The following ARHGAP26 variants were observed in gnomAD, a reference collection of about 807,000 sequenced individuals.
ARHGAP26 encodes rho GTPase-activating protein 26.
ARHGAP26 carries 38 observed loss-of-function variants against 104.8 expected under a neutral mutation model. The ratio of observed to expected loss-of-function variants is 0.36; its 90% CI spans 0.28 to 0.48. ARHGAP26 has a LOEUF of 0.48. Among genes scored for constraint, ARHGAP26 ranks in the 20% least tolerant of loss-of-function variants. ARHGAP26 has a pLI of 0.99. For synonymous variants in ARHGAP26, 341 were observed against 340.0 expected, an observed-to-expected ratio of 1.00 and a Z score of -0.03; for missense variants, 704 against 947.9, an observed-to-expected ratio of 0.74 and a Z score of 3.38.
chr5:142,834,020 T>G (rs1227937970), intron 1 of ARHGAP26, among the ~76,000 whole-genome samples: 1 of 152,240 alleles, frequency 6.6e-6, no homozygotes, highest in Non-Finnish European at 1.5e-5. Flanking sequence ...TAAACTAGAT[T>G]TGTGTATGTT....
At chr5:143,084,319 T>C (rs1219863946) in intron 17 of ARHGAP26, among the ~76,000 whole-genome samples, 1 of 152,252 alleles carries the variant, frequency 6.6e-6, no homozygotes, top group Non-Finnish European at 1.5e-5. Flanking sequence ...TTTAGCTGTC[T>C]GTGCCCAGCC....
chr5:143,092,448 G>A (rs985970846), intron 17 of ARHGAP26, among the ~76,000 whole-genome samples: 1 of 152,200 alleles, frequency 6.6e-6, no homozygotes, highest in Non-Finnish European at 1.5e-5. Context: ...ACAGGCGTGA[G>A]CCACTGCACC....
intron 9 of ARHGAP26, 42 bp from the exon 10 acceptor site, chr5:142,913,157 C>A (rs1244194927): frequency 2.0e-6 from 3 of 1,532,404 alleles, no homozygotes; most frequent in Non-Finnish European, 2.7e-6. Flanking sequence ...GAGTAGAGCT[C>A]CCATTCTGGC....
At chr5:143,113,026 AG>A (rs1354169312) in intron 17 of ARHGAP26, among the ~76,000 whole-genome samples, 1 of 152,196 alleles carries the variant, frequency 6.6e-6, no homozygotes. Context: ...TTTTTTGAGG[AG>A]CTACCATACT....
chr5:142,886,084 A>G (rs1399597707), intron 5 of ARHGAP26, among the ~76,000 whole-genome samples: 1 of 152,172 alleles, frequency 6.6e-6, no homozygotes, highest in Non-Finnish European at 1.5e-5. Flanking sequence ...TTGGCATGCT[A>G]AGGGAGTTTA....
At chr5:142,782,441 C>T (rs1250779260) in intron 1 of ARHGAP26, among the ~76,000 whole-genome samples, 3 of 152,276 alleles carry the variant, frequency 2.0e-5, no homozygotes, top group Middle Eastern at 3.4e-3. Flanking sequence ...CAGGACTCAC[C>T]TTCAGAGATT....
intron 17 of ARHGAP26, among the ~76,000 whole-genome samples, chr5:143,107,732 T>C (rs1476994745): frequency 1.3e-5 from 2 of 152,222 alleles, no homozygotes; most frequent in African/African-American, 4.8e-5. Context: ...GTTCGGTGTC[T>C]TTGTTACCAG....
intron 20 of ARHGAP26, among the ~76,000 whole-genome samples, chr5:143,197,479 G>A (rs921104071): frequency 2.0e-5 from 3 of 152,292 alleles, no homozygotes; most frequent in Non-Finnish European, 4.4e-5. Flanking sequence ...ATTTCCTGCA[G>A]CACAGAAAGG....
At chr5:142,905,275 GT>G (rs1287430868) in intron 8 of ARHGAP26, among the ~76,000 whole-genome samples, 11 of 151,984 alleles carry the variant, frequency 7.2e-5, no homozygotes, top group Non-Finnish European at 1.5e-5. Flanking sequence ...GCACTCTCAT[GT>G]CACACACTTT....
intron 11 of ARHGAP26, among the ~76,000 whole-genome samples, chr5:143,012,471 T>G (rs1211620421): frequency 1.4e-5 from 2 of 142,218 alleles, no homozygotes; most frequent in East Asian, 4.0e-4. Context: ...TTGCCTTGGT[T>G]TCTTTAGGGG....
intron 1 of ARHGAP26, chr5:142,860,456 G>C (rs1753128683): frequency 6.6e-6 from 1 of 152,202 alleles, no homozygotes; most frequent in Non-Finnish European, 1.5e-5. Context: ...GTCCAAGAGT[G>C]CTTGGCTCTC....
At chr5:143,162,108 G>A (rs538159969) in intron 20 of ARHGAP26, among the ~76,000 whole-genome samples, 1 of 152,026 alleles carries the variant, frequency 6.6e-6, no homozygotes, top group Admixed American at 6.6e-5. Flanking sequence ...GCACAAGAGA[G>A]ATTTCTTCAA....
intron 12 of ARHGAP26, among the ~76,000 whole-genome samples, chr5:143,036,050 A>G (rs1782592502): frequency 6.6e-6 from 1 of 152,166 alleles, no homozygotes; most frequent in Admixed American, 6.5e-5. Context: ...AAGTTTACCC[A>G]TATACGCTAA....
At chr5:143,160,712 C>T (rs1350048098) in intron 20 of ARHGAP26, among the ~76,000 whole-genome samples, 1 of 152,038 alleles carries the variant, frequency 6.6e-6, no homozygotes, top group Non-Finnish European at 1.5e-5. Flanking sequence ...CCCCTGGATG[C>T]AAGAGATCCT....
chr5:142,923,960 C>T (rs538047823), intron 10 of ARHGAP26, among the ~76,000 whole-genome samples: 7 of 146,224 alleles, frequency 4.8e-5, no homozygotes, highest in South Asian at 4.4e-4. Flanking sequence ...CCCCCGGGTT[C>T]GTGCCGTTCT....
At chr5:143,205,648 G>T (rs1216633318) in intron 20 of ARHGAP26, among the ~76,000 whole-genome samples, 3 of 152,210 alleles carry the variant, frequency 2.0e-5, no homozygotes, top group South Asian at 2.1e-4. Context: ...CTGGCTGCAG[G>T]AGCCCTGGGC....
At chr5:143,130,092 G>A (rs13164657) in intron 18 of ARHGAP26, among the ~76,000 whole-genome samples, 1,857 of 152,282 alleles carry the variant, frequency 0.012, 14 homozygotes, top group Middle Eastern at 0.024. Flanking sequence ...AGCTGTAGGT[G>A]TTGCTGCCCA....
intron 12 of ARHGAP26, among the ~76,000 whole-genome samples, chr5:143,027,024 A>T (rs1398263829): frequency 3.9e-5 from 6 of 152,144 alleles, no homozygotes; most frequent in Non-Finnish European, 7.4e-5. Context: ...AAGATCAAGG[A>T]TGATGTTACT....
At position 142,871,816 on chromosome 5, in the gene ARHGAP26, G is replaced by A. The variant is rs1262792698; in HGVS notation, c.155-1584G>A. Among the ~76,000 whole-genome samples, 3 of 152,160 alleles carry A rather than the reference G, an allele frequency of 2.0e-5. No homozygotes were observed. Among genetic ancestry groups the A allele is most frequent in the Non-Finnish European group, 4.4e-5 (3 of 68,034 alleles). The stretch of plus-strand genomic sequence containing the variant: ...CCTGCCAACATCTTTTGACATTTTG[G>A]TAAGGACCATTCTGTGAAAGTGACT... On this transcript the variant is annotated intron_variant, in intron 1 of 22. Transcript: ENST00000645722. The surrounding 1 kb of genome is among the most constrained non-coding windows in gnomAD (Gnocchi z 4.1).
Sources: allele counts gnomAD v4.1 joint callset (sites outside exome capture counted in the v4.1 genomes callset), GRCh38; gene constraint gnomAD v4.1.1; non-coding constraint Gnocchi (gnomAD v3.1); transcripts MANE v1.5; gene names NCBI Gene and HGNC (gene_info 2026-07-23, HGNC 2026-07-21).